NBEA: variants seen among roughly 807,000 people sequenced by gnomAD.
The protein encoded by NBEA is lysosomal-trafficking regulator 2.
A neutral mutation model predicts 343.4 loss-of-function variants in NBEA; 44 were observed. The ratio of observed to expected loss-of-function variants is 0.13; its 90% CI spans 0.10 to 0.16. NBEA has a LOEUF of 0.16. Among genes scored for constraint, NBEA ranks in the 10% least tolerant of loss-of-function variants. The pLI is 1.00. For missense variants in NBEA, 2,555 were observed against 3,631.3 expected, an observed-to-expected ratio of 0.70 and a Z score of 7.62; for synonymous variants, 1,175 against 1,238.7, an observed-to-expected ratio of 0.95 and a Z score of 1.08.
chr13:35,324,708 A>G (rs2152843200), intron 36 of NBEA, among the ~76,000 whole-genome samples: 1 of 152,346 alleles, frequency 6.6e-6, no homozygotes, highest in East Asian at 1.9e-4. Flanking sequence ...GAAAAAAATT[A>G]AACAGTTCCA....
chr13:34,981,835 C>T (rs1441467477), intron 1 of NBEA, among the ~76,000 whole-genome samples: 1 of 151,568 alleles, frequency 6.6e-6, no homozygotes, highest in East Asian at 1.9e-4. Context: ...TTATTTGTGT[C>T]ATCTAAGTAG....
chr13:35,232,463 T>G (rs1445526624), intron 33 of NBEA, 29 bp from the exon 34 acceptor site: 1 of 1,380,352 alleles, frequency 7.2e-7, no homozygotes, highest in East Asian at 2.5e-5. Flanking sequence ...GAATTATATT[T>G]ATTAGTTTTT....
chr13:35,024,612 G>A (rs1444258299), intron 1 of NBEA, among the ~76,000 whole-genome samples: 2 of 152,070 alleles, frequency 1.3e-5, no homozygotes, highest in Admixed American at 6.6e-5. Context: ...CCTGATAGGC[G>A]GAGTTTGCAG....
intron 31 of NBEA, among the ~76,000 whole-genome samples, chr13:35,203,732 A>G (rs1163456938): frequency 6.6e-6 from 1 of 152,204 alleles, no homozygotes; most frequent in Non-Finnish European, 1.5e-5. Context: ...TTATTAGTCA[A>G]TTTATTAAAA....
chr13:35,044,910 TGA>T, intron 2 of NBEA, 35 bp from the exon 3 acceptor site: 1 of 1,520,568 alleles, frequency 6.6e-7, no homozygotes, highest in Non-Finnish European at 9.0e-7. Context: ...TGGCAGCTCA[TGA>T]CTAGAGTTCA....
intron 38 of NBEA, among the ~76,000 whole-genome samples, chr13:35,366,427 A>G (rs118115334): frequency 0.035 from 5,260 of 151,402 alleles, 136 homozygotes; most frequent in Non-Finnish European, 0.053. Flanking sequence ...AAAAGAAAAT[A>G]GATACAAGTA....
intron 10 of NBEA, among the ~76,000 whole-genome samples, chr13:35,082,762 G>A (rs552924063): frequency 1.3e-5 from 2 of 152,200 alleles, no homozygotes; most frequent in South Asian, 2.1e-4. Context: ...TTTTGATGGG[G>A]TTGTTTGTTT....
intron 36 of NBEA, among the ~76,000 whole-genome samples, chr13:35,347,264 A>G (rs547010653): frequency 6.6e-6 from 1 of 152,256 alleles, no homozygotes; most frequent in Admixed American, 6.5e-5. Context: ...AAATTAAAAC[A>G]AAGTTAAACC....
At chr13:35,386,700 T>C (rs1282748464) in intron 38 of NBEA, among the ~76,000 whole-genome samples, 2 of 152,198 alleles carry the variant, frequency 1.3e-5, no homozygotes, top group Non-Finnish European at 2.9e-5. Context: ...GTAACCATGA[T>C]TGACCATCAA....
chr13:35,317,590 T>C (rs1566609695), intron 36 of NBEA, among the ~76,000 whole-genome samples: 1 of 152,352 alleles, frequency 6.6e-6, no homozygotes. Flanking sequence ...CTATACGGGC[T>C]CTTTTTTGGT....
intron 33 of NBEA, among the ~76,000 whole-genome samples, 157 bp downstream of exon 33, chr13:35,211,336 A>G (rs1391635294): frequency 6.6e-6 from 1 of 152,214 alleles, no homozygotes; most frequent in Non-Finnish European, 1.5e-5. Flanking sequence ...TTATTATGTA[A>G]AAATCTATGA....
intron 2 of NBEA, among the ~76,000 whole-genome samples, chr13:35,043,648 C>A (rs922985441): frequency 6.6e-6 from 1 of 151,556 alleles, no homozygotes; most frequent in African/African-American, 2.4e-5. Context: ...AGTGGCATAT[C>A]CACTGTCACA....
At chr13:35,631,620 C>T (rs1455217821) in intron 49 of NBEA, among the ~76,000 whole-genome samples, 4 of 121,436 alleles carry the variant, frequency 3.3e-5, no homozygotes, top group Admixed American at 1.9e-4. Flanking sequence ...ATATGAATAT[C>T]TATATATGTC....
intron 44 of NBEA, among the ~76,000 whole-genome samples, chr13:35,559,690 T>A (rs111666224): frequency 0.038 from 5,733 of 152,028 alleles, 390 homozygotes; most frequent in African/African-American, 0.13. Context: ...CCGAGGCAGG[T>A]GGATCACGAG....
chr13:35,272,775 G>A (rs1378566900), intron 34 of NBEA, among the ~76,000 whole-genome samples: 1 of 152,038 alleles, frequency 6.6e-6, no homozygotes, highest in Non-Finnish European at 1.5e-5. Context: ...ATTATATAAT[G>A]GTAAAGGGAT....
intron 34 of NBEA, among the ~76,000 whole-genome samples, chr13:35,236,260 C>A (rs892560766): frequency 6.6e-6 from 1 of 152,042 alleles, no homozygotes; most frequent in Non-Finnish European, 1.5e-5. Flanking sequence ...TTTCAGTATC[C>A]CTCACAATTT....
At chr13:35,023,641 A>C (rs965764730) in intron 1 of NBEA, among the ~76,000 whole-genome samples, 1 of 152,132 alleles carries the variant, frequency 6.6e-6, no homozygotes, top group Non-Finnish European at 1.5e-5. Context: ...TGTGTATGTA[A>C]ATATAGTTAC....
chr13:35,414,195 TG>T (rs1236143270), intron 38 of NBEA, among the ~76,000 whole-genome samples: 3 of 152,016 alleles, frequency 2.0e-5, no homozygotes, highest in Non-Finnish European at 4.4e-5. Flanking sequence ...GTTTTGATCA[TG>T]CTTACAAATT....
chr13:35,493,296 A>G (rs1023505618), intron 41 of NBEA, among the ~76,000 whole-genome samples: 2 of 151,944 alleles, frequency 1.3e-5, no homozygotes, highest in East Asian at 3.9e-4. Context: ...TTGTAGCCTA[A>G]TGCTTTGAAT....
Sources: gnomAD v4.1 joint callset for allele counts (sites outside exome capture counted in the v4.1 genomes callset) on GRCh38, gnomAD v4.1.1 for gene constraint, MANE v1.5 for transcripts, NCBI Gene and HGNC (gene_info 2026-07-23, HGNC 2026-07-21) for gene names.